ZBTB41: variants seen among roughly 807,000 people sequenced by gnomAD.
ZBTB41 encodes the protein zinc finger and BTB domain containing 41.
ZBTB41 carries 42 observed loss-of-function variants against 87.6 expected under a neutral mutation model. The ratio of observed to expected loss-of-function variants is 0.48; its 90% confidence interval spans 0.37 to 0.62. ZBTB41 has a LOEUF of 0.62. Among genes scored for constraint, ZBTB41 ranks in the 20% least tolerant of loss-of-function variants. The probability of loss-of-function intolerance (pLI) is 0.00; values close to 1 mark genes in which losing one functional copy is unlikely to be tolerated. For missense variants in ZBTB41, 799 were observed against 1,078.9 expected (o/e 0.74, Z 3.63); for synonymous variants, 364 against 364.0 (o/e 1.00, Z 0.00).
chr1:197,178,607 G>T, intron 6 of ZBTB41, 95 bp from the exon 7 acceptor site: 2 of 745,036 alleles, frequency 2.7e-6, no homozygotes, highest in Non-Finnish European at 4.0e-6. Context: ...CAAGCTAACT[G>T]ATATTATGGC....
In ZBTB41 at chr1:197,156,671, G is replaced by T. The variant is rs1397223389; in HGVS notation, c.*2688C>A. ...CATTCAGTTTGCCCAAATCCATGAG[G>T]TTTTCACAATTGTAAAATTTCTTAC... On this transcript the variant is annotated 3_prime_UTR_variant, in exon 11 of 11. Transcript: ENST00000367405. 1 of 152,120 alleles carries T rather than the reference G, an allele frequency of 6.6e-6. No individual in the cohort carries two copies. The highest frequency in any genetic ancestry group is 1.5e-5 in the Non-Finnish European group (1 of 67,708). 9.4% of individuals were successfully genotyped at this position (152,120 alleles called of 1,614,324 possible).
chr1:197,173,313 C>G (rs1659521952), intron 9 of ZBTB41, among the ~76,000 whole-genome samples: 1 of 152,074 alleles, frequency 6.6e-6, no homozygotes, highest in African/African-American at 2.4e-5. Context: ...TTAAATGTCC[C>G]TCATTTTTCA....
chr1:197,168,407 A>C (rs1037835507), intron 10 of ZBTB41, among the ~76,000 whole-genome samples: 1 of 152,144 alleles, frequency 6.6e-6, no homozygotes, highest in African/African-American at 2.4e-5. Context: ...ATTTATATAA[A>C]AATACAAAGG....
chr1:197,163,712 G>GA (rs1659251914), intron 10 of ZBTB41, among the ~76,000 whole-genome samples: 1 of 151,250 alleles, frequency 6.6e-6, no homozygotes. Flanking sequence ...ACCAAAAACA[G>GA]AAAAATCTAA....
intron 2 of ZBTB41, among the ~76,000 whole-genome samples, chr1:197,194,618 G>GAAAAAAAAAAAAAAAAAAAAAA (rs71131750): frequency 7.4e-6 from 1 of 135,834 alleles, no homozygotes; most frequent in African/African-American, 2.7e-5. Context: ...ATTTAAGCAA[G>GAAAAAAAAAAAAAAAAAAAAAA]AAAAAAAAAA....
At chr1:197,176,165 T>C (rs1659602493) in intron 8 of ZBTB41, among the ~76,000 whole-genome samples, 2 of 152,208 alleles carry the variant, frequency 1.3e-5, no homozygotes, top group African/African-American at 4.8e-5. Context: ...ATTTTAATCA[T>C]TTCCCTTTTA....
intron 7 of ZBTB41, 50 bp downstream of exon 7, chr1:197,178,367 G>T: frequency 8.2e-7 from 1 of 1,220,068 alleles, no homozygotes; most frequent in South Asian, 1.4e-5. Flanking sequence ...AACTAAAATA[G>T]AGATATAATT....
At position 197,183,534 on chromosome 1, in the gene ZBTB41, CA is replaced by C. The variant is rs1367889380; in HGVS notation, c.1547-2418del. Among the ~76,000 whole-genome samples, 3 of 152,226 alleles carry C rather than the reference CA, an allele frequency of 2.0e-5. No homozygotes were observed. In the East Asian group the frequency reaches 5.8e-4, roughly 29 times the overall value. ...ATGTCAACTCTTATTAAAAATCATA[CA>C]AATTACCTAATCAGTTGTAAAATAT... is the stretch of plus-strand genomic sequence containing the variant. On this transcript the variant is annotated intron_variant, in intron 5 of 10. Transcript: ENST00000367405.
intron 2 of ZBTB41, among the ~76,000 whole-genome samples, chr1:197,194,631 A>AAAG (rs1553232799): frequency 6.6e-5 from 10 of 151,090 alleles, no homozygotes; most frequent in African/African-American, 2.2e-4. Context: ...AAAAAAAAAA[A>AAAG]AAGAAGAAGA....
rs540520910 is a variant in ZBTB41 at position 197,166,849 on chromosome 1, A to AAAC, written c.2074+5308_2074+5310dup. Among the ~76,000 whole-genome samples the AAAC allele has an allele frequency of 3.3e-3, 506 of 152,122 alleles. 1 individual carries two copies. The highest frequency in any genetic ancestry group is 0.012 in the African/African-American group (478 of 41,492). Reference sequence around the variant, plus strand: ...GCGACAGAGTGAGACTCGGTCTCAAAAACAACAACAACAACAAAAAAATTT... The same window carrying AAAC: ...GCGACAGAGTGAGACTCGGTCTCAAAAACAACAACAACAACAACAAAAAAATTT... On this transcript the variant is annotated intron_variant, in intron 10 of 10. Coordinates refer to ENST00000367405, the MANE Select transcript of ZBTB41 (RefSeq NM_194314.3).
intron 2 of ZBTB41, among the ~76,000 whole-genome samples, chr1:197,196,653 T>A (rs1660169228): frequency 6.6e-6 from 1 of 152,208 alleles, no homozygotes; most frequent in South Asian, 2.1e-4. Context: ...CTAGTCTAGT[T>A]AAATTAGATT....
At chr1:197,169,454 G>T (rs1659426799) in intron 10 of ZBTB41, among the ~76,000 whole-genome samples, 1 of 151,922 alleles carries the variant, frequency 6.6e-6, no homozygotes, top group South Asian at 2.1e-4. Flanking sequence ...AGAAAAAAAA[G>T]ATTACATACT....
chr1:197,191,877 A>G lies in ZBTB41; in HGVS notation c.1143T>C (p.Arg381=), dbSNP rs1660044858. The change falls in exon 3 of 11, where the codon CGT becomes CGC. Residue 381 remains arginine (R), a synonymous_variant. Transcript: ENST00000367405. ...DRIGKYESHT[R]VHTGEKPFEC... is the part of the protein sequence containing the mutation. ...CAAAGGGCTTCTCACCTGTGTGAAC[A>G]CGGGTGTGGCTCTCATATTTTCCTA... 6.2e-7 allele frequency: 1 copy of G among 1,611,630 alleles called. No homozygotes were observed. Among genetic ancestry groups the G allele is most frequent in the Non-Finnish European group, 8.5e-7 (1 of 1,178,990 alleles).
chr1:197,180,029 C>T (rs1027388873), intron 6 of ZBTB41, among the ~76,000 whole-genome samples: 1 of 152,086 alleles, frequency 6.6e-6, no homozygotes, highest in African/African-American at 2.4e-5. Context: ...CACATTCACT[C>T]ACCACTCACT....
At position 197,200,484 on chromosome 1, in the gene ZBTB41, C is replaced by T. The variant is rs1226895349; in HGVS notation, c.-11G>A. 6.4e-7 allele frequency: 1 copy of T among 1,555,006 alleles called. No individual in the cohort carries two copies. Among genetic ancestry groups the T allele is most frequent in the Non-Finnish European group, 8.6e-7 (1 of 1,156,934 alleles). On this transcript the variant is annotated 5_prime_UTR_variant, in exon 2 of 11. Coordinates refer to ENST00000367405, the MANE Select transcript of ZBTB41 (RefSeq NM_194314.3). ...TCTCCTCTTCTTCATTGCAGTACAG[C>T]AATTTCAGAACAAGAAACTTCATAA... is the stretch of plus-strand genomic sequence containing the variant.
At position 197,184,754 on chromosome 1, in the gene ZBTB41, C is replaced by T. The variant is rs1178402707; in HGVS notation, c.1546+3538G>A. On this transcript the variant is annotated intron_variant, in intron 5 of 10. Coordinates refer to ENST00000367405, the MANE Select transcript of ZBTB41 (RefSeq NM_194314.3). The stretch of plus-strand genomic sequence containing the variant: ...TAAACTATTTTATAGTTCTTAAAGA[C>T]TTAATGACTAAAAGTCAGATCACTT... 2.0e-5 allele frequency among the ~76,000 whole-genome samples: 3 copies of T among 152,064 alleles called. No individual in the cohort carries two copies. The East Asian group carries it at 5.8e-4, about 29-fold the overall frequency.
Position 197,160,492 on chromosome 1 carries a change from C to G in ZBTB41, c.2075-478G>C, listed in dbSNP as rs555394122. On this transcript the variant is annotated intron_variant, in intron 10 of 10. Transcript: ENST00000367405. ...GCAAGGAGGATAAAAACTAAAACAG[C>G]AATTCTAATTAACATGGTTCCTTGG... Among the ~76,000 whole-genome samples, 19 of 152,180 alleles carry G rather than the reference C, an allele frequency of 1.2e-4. No homozygotes were observed. In the East Asian group the frequency reaches 3.7e-3, roughly 29 times the overall value.
intron 9 of ZBTB41, among the ~76,000 whole-genome samples, chr1:197,174,678 GA>G (rs1314181053): frequency 6.6e-6 from 1 of 152,006 alleles, no homozygotes; most frequent in African/African-American, 2.4e-5. Flanking sequence ...TTTAAATTCT[GA>G]CTGCAAACAT....
In ZBTB41 at chr1:197,172,164, A is replaced by G. The variant is rs757947183; in HGVS notation, c.2070T>C (p.His690=). ...KSSLEMHFRT[H]SGEKPYKCQI... ...GAACCACTCATTAAATTTTACCTGA[A>G]TGCGTTCGAAAATGCATTTCCAGAC... The change falls in exon 10 of 11, where the codon CAT becomes CAC. Residue 690 remains histidine, a synonymous_variant. Transcript: ENST00000367405. 1.4e-6 allele frequency: 2 copies of G among 1,394,860 alleles called. No individual in the cohort carries two copies. The highest frequency in any genetic ancestry group is 1.9e-5 in the South Asian group (1 of 52,654). 86.4% of individuals were successfully genotyped at this position (1,394,860 alleles called of 1,614,324 possible).
Sources: gnomAD v4.1 joint callset for allele counts (sites outside exome capture counted in the v4.1 genomes callset) on GRCh38, gnomAD v4.1.1 for gene constraint, MANE v1.5 for transcripts, NCBI Gene and HGNC (gene_info 2026-07-23, HGNC 2026-07-21) for gene names.